Variants in DCAF17 observed in about 807,000 individuals in gnomAD.
DCAF17 encodes the protein DDB1- and CUL4-associated factor 17.
Under a neutral mutation model 66.0 loss-of-function variants are expected in DCAF17, and 48 were observed. The observed-to-expected ratio is 0.73, with a 90% CI of 0.58 to 0.92. The LOEUF is 0.92. DCAF17 is among the 40% of genes least tolerant of loss of function. The probability of loss-of-function intolerance (pLI) is 0.00; values close to 1 mark genes in which losing one functional copy is unlikely to be tolerated. For missense variants in DCAF17, 562 were observed against 622.8 expected, an observed-to-expected ratio of 0.90 and a Z score of 1.04; for synonymous variants, 206 against 214.6, an observed-to-expected ratio of 0.96 and a Z score of 0.35.
chr2:171,441,557 G>A (rs181523297), intron 2 of DCAF17, among the ~76,000 whole-genome samples: 105 of 152,254 alleles, frequency 6.9e-4, no homozygotes, highest in African/African-American at 2.5e-3. Context: ...CCAGCAATAG[G>A]CAGCTGGGGA....
At chr2:171,452,774 GA>G (rs1480311118) in intron 5 of DCAF17, among the ~76,000 whole-genome samples, 3 of 152,196 alleles carry the variant, frequency 2.0e-5, no homozygotes, top group African/African-American at 7.2e-5. Context: ...GCTTTCAAAT[GA>G]TATGAGCACG....
At chr2:171,452,153 T>C (rs1694991477) in intron 5 of DCAF17, among the ~76,000 whole-genome samples, 1 of 152,202 alleles carries the variant, frequency 6.6e-6, no homozygotes, top group African/African-American at 2.4e-5. Flanking sequence ...GTTTGCTGTT[T>C]ATTTGTTTTC....
intron 5 of DCAF17, 104 bp downstream of exon 5, chr2:171,450,061 C>T: frequency 9.7e-7 from 1 of 1,029,740 alleles, no homozygotes; most frequent in South Asian, 1.3e-5. Flanking sequence ...CTGAAGCATG[C>T]TGTAAAAGAT....
rs143604314 is a variant in DCAF17, at chr2:171,451,777, T to C, written c.538-1347T>C. Among the ~76,000 whole-genome samples, 7 of 152,254 alleles carry C rather than the reference T, an allele frequency of 4.6e-5. No homozygotes were observed. The East Asian group carries it at 1.2e-3, about 25-fold the overall frequency. ...TTTTACTAGAGACGGGGTTTCACCA[T>C]GTTGGCCAGCATGGTCTCGATCTCT... is the stretch of plus-strand genomic sequence containing the variant. On this transcript the variant is annotated intron_variant, in intron 5 of 13. Coordinates refer to ENST00000375255, the MANE Select transcript of DCAF17 (RefSeq NM_025000.4).
chr2:171,458,294 T>A (rs900105100), intron 7 of DCAF17, 78 bp from the exon 8 acceptor site: 1 of 1,277,572 alleles, frequency 7.8e-7, no homozygotes, highest in Non-Finnish European at 1.1e-6. Flanking sequence ...CATATACATG[T>A]GAATTTTATT....
chr2:171,448,729 C>G lies in DCAF17; in HGVS notation c.370C>G (p.Leu124Val). 1.2e-6 allele frequency: 2 copies of G among 1,612,892 alleles called. No individual in the cohort carries two copies. Among genetic ancestry groups the G allele is most frequent in the Non-Finnish European group, 1.7e-6 (2 of 1,179,294 alleles). ...AGATTATAAGTCCTCACTCATAGCA[C>G]TGACTGCTCATAATTGGCTACTTCG... The part of the protein sequence containing the change: ...SSDYKSSLIA[L>V]TAHNWLLRIS... Residue 124 changes from leucine to valine, a missense_variant, in exon 4 of 14, where the codon CTG (leucine) becomes GTG (valine). Leu to Val is a conservative substitution (Grantham distance 32). Transcript: ENST00000375255.
At chr2:171,462,870 G>A (rs530362467) in intron 8 of DCAF17, among the ~76,000 whole-genome samples, 4 of 152,106 alleles carry the variant, frequency 2.6e-5, no homozygotes, top group African/African-American at 4.8e-5. Context: ...ACATTGGTAA[G>A]TGGCATTAGT....
intron 10 of DCAF17, among the ~76,000 whole-genome samples, chr2:171,475,995 T>C (rs750449902): frequency 5.9e-5 from 9 of 152,248 alleles, no homozygotes; most frequent in Non-Finnish European, 8.8e-5. Flanking sequence ...GAAGAGTGTA[T>C]GGCCTTTTGC....
chr2:171,457,868 C>A, intron 6 of DCAF17, 103 bp from the exon 7 acceptor site: 1 of 922,778 alleles, frequency 1.1e-6, no homozygotes, highest in Non-Finnish European at 1.8e-6. Context: ...GCAGTGTTAT[C>A]ATAGTGACAT....
Position 171,483,972 on chromosome 2 carries a change from T to C in DCAF17, c.*2858T>C, listed in dbSNP as rs1477514009. 10 of 453,910 alleles carry C rather than the reference T, an allele frequency of 2.2e-5. No homozygotes were observed. Among genetic ancestry groups the C allele is most frequent in the South Asian group, 3.1e-5 (2 of 64,460 alleles). The allele number at this position is 453,910 out of a possible 1,614,324, so 28.1% of individuals were successfully genotyped here. A position where few individuals can be genotyped will look rare whatever the true frequency, so the allele number is the denominator to read the frequency against. ...GCATACCAACAACTATAATACTAGA[T>C]ATGTAGGAAAGTGCTTAATAATCGT... On this transcript the variant is annotated 3_prime_UTR_variant, in exon 14 of 14. Coordinates refer to ENST00000375255, the MANE Select transcript of DCAF17 (RefSeq NM_025000.4).
chr2:171,481,539 A>G lies in DCAF17; in HGVS notation c.*425A>G, dbSNP rs1696746250. The G allele has an allele frequency of 2.2e-6, 1 of 454,370 alleles. No individual in the cohort carries two copies. The highest frequency in any genetic ancestry group is 2.4e-5 in the Admixed American group (1 of 42,536). 28.1% of individuals were successfully genotyped at this position (454,370 alleles called of 1,614,324 possible). A position where few individuals can be genotyped will look rare whatever the true frequency, so the allele number is the denominator to read the frequency against. On this transcript the variant is annotated 3_prime_UTR_variant, in exon 14 of 14. Transcript: ENST00000375255. Reference sequence around the variant, plus strand: ...AAGTAAACATGCAGAAAGAAATCTTATATCCTCTATACCAAACTTTGCTTA... The same window carrying G: ...AAGTAAACATGCAGAAAGAAATCTTGTATCCTCTATACCAAACTTTGCTTA...
chr2:171,434,367 C>G lies in DCAF17; in HGVS notation c.-211C>G. ...AGATCGAAAAGGGAGTGCTTCTTCC[C>G]TTCTCTCCGCGCTCTGGCGGTGCAA... On this transcript the variant is annotated 5_prime_UTR_variant, in exon 1 of 14. Coordinates refer to ENST00000375255, the MANE Select transcript of DCAF17 (RefSeq NM_025000.4). 2.4e-6 allele frequency: 2 copies of G among 838,340 alleles called. No homozygotes were observed. Among genetic ancestry groups the G allele is most frequent in the Non-Finnish European group, 3.9e-6 (2 of 517,702 alleles). The allele number at this position is 838,340 out of a possible 1,614,324, so 51.9% of individuals were successfully genotyped here. A position where few individuals can be genotyped will look rare whatever the true frequency, so the allele number is the denominator to read the frequency against.
chr2:171,461,624 C>G (rs751186320), intron 8 of DCAF17, among the ~76,000 whole-genome samples: 8 of 151,996 alleles, frequency 5.3e-5, no homozygotes, highest in Non-Finnish European at 1.0e-4. Context: ...CATAAGTGCT[C>G]TTTTATAACT....
At position 171,476,895 on chromosome 2, in the gene DCAF17, C is replaced by G. The variant is rs761867442; in HGVS notation, c.1127C>G (p.Ser376Cys). The part of the protein sequence containing the change: ...LKLTEIENNS[S>C]QHQISEDFVI... The stretch of plus-strand genomic sequence containing the variant: ...CTAACTGAAATAGAAAATAATAGTT[C>G]TCAGCATCAGATCTCTGAAGATTTT... The change falls in exon 11 of 14, where the codon TCT (serine) becomes TGT (cysteine). Residue 376 changes from serine to cysteine, a missense_variant. Ser to Cys is a moderately radical substitution (Grantham distance 112). Coordinates refer to ENST00000375255, the MANE Select transcript of DCAF17 (RefSeq NM_025000.4). 6.2e-7 allele frequency: 1 copy of G among 1,613,710 alleles called. No homozygotes were observed. Among genetic ancestry groups the G allele is most frequent in the Admixed American group, 1.7e-5 (1 of 59,994 alleles).
intron 8 of DCAF17, among the ~76,000 whole-genome samples, chr2:171,461,454 A>G (rs1695581946): frequency 6.6e-6 from 1 of 152,178 alleles, no homozygotes; most frequent in South Asian, 2.1e-4. Context: ...GAAAAAATAA[A>G]ATAAAATTTA....
At chr2:171,436,536 A>G (rs1031427577) in intron 2 of DCAF17, among the ~76,000 whole-genome samples, 1 of 152,020 alleles carries the variant, frequency 6.6e-6, no homozygotes, top group African/African-American at 2.4e-5. Context: ...CATTTTCCTG[A>G]TGACTAGTGA....
chr2:171,441,290 C>T (rs1694293169), intron 2 of DCAF17, among the ~76,000 whole-genome samples: 2 of 152,244 alleles, frequency 1.3e-5, no homozygotes. Flanking sequence ...TTGTGGGAGT[C>T]AATGCCATGC....
chr2:171,455,873 T>C (rs1433597254), intron 6 of DCAF17, among the ~76,000 whole-genome samples: 1 of 152,178 alleles, frequency 6.6e-6, no homozygotes, highest in Non-Finnish European at 1.5e-5. Context: ...TTTTTTTTCT[T>C]GTAAATTTGT....
At chr2:171,455,371 G>A (rs1695198107) in intron 6 of DCAF17, among the ~76,000 whole-genome samples, 1 of 152,218 alleles carries the variant, frequency 6.6e-6, no homozygotes, top group Non-Finnish European at 1.5e-5. Flanking sequence ...ATTCCCTGGT[G>A]TATATGTACA....
Sources: allele counts gnomAD v4.1 joint callset (sites outside exome capture counted in the v4.1 genomes callset), GRCh38; gene constraint gnomAD v4.1.1; transcripts MANE v1.5; gene names NCBI Gene and HGNC (gene_info 2026-07-23, HGNC 2026-07-21).